Variants in RIPK1 observed in about 807,000 individuals in gnomAD.
The protein encoded by RIPK1 is receptor interacting serine/threonine kinase 1, also known as receptor-interacting serine/threonine-protein kinase 1.
RIPK1 carries 27 observed loss-of-function variants against 62.4 expected under a neutral mutation model. The observed-to-expected ratio is 0.43, with a 90% CI of 0.32 to 0.60. The LOEUF is 0.60. RIPK1 is among the 20% of genes least tolerant of loss of function. The pLI is 0.07. For synonymous variants in RIPK1, 287 were observed against 303.2 expected, an observed-to-expected ratio of 0.95 and a Z score of 0.55; for missense variants, 735 against 831.0, an observed-to-expected ratio of 0.88 and a Z score of 1.42.
In RIPK1 at chr6:3,077,803, G is replaced by A. The variant is rs377207334; in HGVS notation, c.189G>A (p.Glu63=). 1.2e-6 allele frequency: 2 copies of A among 1,614,224 alleles called. No individual in the cohort carries two copies. Among genetic ancestry groups the A allele is most frequent in the East Asian group, 4.5e-5 (2 of 44,880 alleles). Reference sequence around the variant, plus strand: ...GGCACAACGAGGCCCTCTTGGAGGAGGCGAAGATGATGAACAGACTGAGAC... The same window carrying A: ...GGCACAACGAGGCCCTCTTGGAGGAAGCGAAGATGATGAACAGACTGAGAC... ...CIEHNEALLE[E]AKMMNRLRHS... is the part of the protein sequence containing the mutation. The change falls in exon 3 of 11, where the codon GAG becomes GAA. Residue 63 remains glutamate (E), a synonymous_variant. Coordinates refer to ENST00000259808, the MANE Select transcript of RIPK1 (RefSeq NM_001354930.2).
upstream of RIPK1, chr6:3,068,267 C>T (rs1030945960): frequency 3.8e-5 from 37 of 985,590 alleles, no homozygotes; most frequent in African/African-American, 5.1e-4. Context: ...GTAATCCACC[C>T]AGTGCTTCCC....
Position 3,072,472 on chromosome 6 carries a change from A to T in RIPK1, c.-61+3811A>T, listed in dbSNP as rs1197042293. On this transcript the variant is annotated intron_variant, in intron 1 of 10. Transcript: ENST00000259808. The surrounding 1 kb of genome is among the most constrained non-coding windows in gnomAD (Gnocchi z 5.6). Reference sequence around the variant, plus strand: ...GTCAAAAACAATTTTGAATGGCTATATAATATTCTGTTAGGAGTGTGCCGT... The same window carrying T: ...GTCAAAAACAATTTTGAATGGCTATTTAATATTCTGTTAGGAGTGTGCCGT... Among the ~76,000 whole-genome samples, 1 of 152,182 alleles carries T rather than the reference A, an allele frequency of 6.6e-6. No homozygotes were observed. Among genetic ancestry groups the T allele is most frequent in the Non-Finnish European group, 1.5e-5 (1 of 68,032 alleles).
chr6:3,089,796 G>T, intron 7 of RIPK1, 139 bp downstream of exon 7: 6 of 603,724 alleles, frequency 9.9e-6, no homozygotes, highest in Non-Finnish European at 3.0e-6. Flanking sequence ...ATGAGCAATT[G>T]TCTGCACATA....
chr6:3,093,988 G>A (rs1290649859), intron 7 of RIPK1, among the ~76,000 whole-genome samples: 32 of 86,420 alleles, frequency 3.7e-4, no homozygotes, highest in Admixed American at 8.4e-4. Context: ...ACTGCAGAGC[G>A]CCTACCTGCC....
At chr6:3,065,150 G>C (rs949303472), upstream of RIPK1, among the ~76,000 whole-genome samples, 2 of 151,452 alleles carry the variant, frequency 1.3e-5, no homozygotes, top group East Asian at 1.9e-4. Flanking sequence ...CCAGCTACTC[G>C]GGAGGCTGAG....
At position 3,113,195 on chromosome 6, in the gene RIPK1, G is replaced by C. The variant is rs116517470; in HGVS notation, c.1872G>C (p.Leu624=). ...ACCATGACTATGAGCGAGATGGACT[G>C]AAAGAAAAGGTTTACCAGATGCTCC... The part of the protein sequence containing the change: ...EIDHDYERDG[L]KEKVYQMLQK... Residue 624 remains leucine, a synonymous_variant, in exon 11 of 11, where the codon CTG becomes CTC. Coordinates refer to ENST00000259808, the MANE Select transcript of RIPK1 (RefSeq NM_001354930.2). The surrounding 1 kb of genome is among the most constrained non-coding windows in gnomAD (Gnocchi z 5.0). 70 of 1,614,052 alleles carry C rather than the reference G, an allele frequency of 4.3e-5. No homozygotes were observed. In the East Asian group the frequency reaches 1.4e-3, roughly 33 times the overall value.
In RIPK1 at chr6:3,113,636, C is replaced by G; in HGVS notation, c.*297C>G. 3.1e-6 allele frequency: 1 copy of G among 324,612 alleles called. No individual in the cohort carries two copies. Among genetic ancestry groups the G allele is most frequent in the Non-Finnish European group, 5.7e-6 (1 of 173,918 alleles). The allele number at this position is 324,612 out of a possible 1,614,324, so 20.1% of individuals were successfully genotyped here. ...CACTGCGCCCAGCCAACAATCCGCTCTGAGGAAAGCGTAAGCAGGAAGACC... is the reference window on the plus strand; with the variant it reads ...CACTGCGCCCAGCCAACAATCCGCTGTGAGGAAAGCGTAAGCAGGAAGACC... On this transcript the variant is annotated 3_prime_UTR_variant, in exon 11 of 11. Coordinates refer to ENST00000259808, the MANE Select transcript of RIPK1 (RefSeq NM_001354930.2). This position sits in a 1 kb window ranked among gnomAD's most constrained non-coding sequence, Gnocchi z 5.0.
chr6:3,068,304 G>A (rs1758475860), upstream of RIPK1: 1 of 985,514 alleles, frequency 1.0e-6, no homozygotes, highest in Non-Finnish European at 1.2e-6. Flanking sequence ...TCTCGTGCGC[G>A]CGGAGGTTTC....
intron 7 of RIPK1, among the ~76,000 whole-genome samples, chr6:3,103,926 C>T (rs1760703490): frequency 6.6e-6 from 1 of 152,192 alleles, no homozygotes; most frequent in Admixed American, 6.5e-5. Context: ...AGGGTTTATT[C>T]CTAGGCTTTC....
intron 7 of RIPK1, among the ~76,000 whole-genome samples, chr6:3,096,243 A>G (rs2113662805): frequency 6.6e-6 from 1 of 152,364 alleles, no homozygotes; most frequent in East Asian, 1.9e-4. Flanking sequence ...AGAAAAAGAA[A>G]GAAGAGATAT....
At chr6:3,082,986 C>T (rs939183053) in intron 4 of RIPK1, 99 bp from the exon 5 acceptor site, 46 of 1,146,966 alleles carry the variant, frequency 4.0e-5, no homozygotes, top group Middle Eastern at 2.0e-4. Flanking sequence ...GAAAATTTAC[C>T]GTACCTTATG....
At chr6:3,084,760 A>T (rs535544768) in intron 5 of RIPK1, among the ~76,000 whole-genome samples, 1 of 151,714 alleles carries the variant, frequency 6.6e-6, no homozygotes, top group East Asian at 1.9e-4. Context: ...TGCCCAGCTA[A>T]TTTTTATATT....
chr6:3,097,917 A>C (rs1372499962), intron 7 of RIPK1, among the ~76,000 whole-genome samples: 1 of 152,154 alleles, frequency 6.6e-6, no homozygotes, highest in Non-Finnish European at 1.5e-5. Flanking sequence ...GAATGGAGGC[A>C]GGGCATGGTG....
chr6:3,101,726 C>A (rs1760595917), intron 7 of RIPK1, among the ~76,000 whole-genome samples: 1 of 151,972 alleles, frequency 6.6e-6, no homozygotes, highest in South Asian at 2.1e-4. Flanking sequence ...ATATAATTTT[C>A]TATGTTTTCT....
intron 7 of RIPK1, among the ~76,000 whole-genome samples, chr6:3,102,660 G>A (rs1760641340): frequency 6.6e-6 from 1 of 152,154 alleles, no homozygotes; most frequent in South Asian, 2.1e-4. Context: ...GAATGCAGTG[G>A]CACCATCTCG....
At chr6:3,094,725 C>T (rs545815445) in intron 7 of RIPK1, among the ~76,000 whole-genome samples, 7 of 151,800 alleles carry the variant, frequency 4.6e-5, no homozygotes, top group African/African-American at 7.3e-5. Context: ...TAACTAACAG[C>T]GGATCAAAAA....
chr6:3,065,168 A>T (rs2113516006), upstream of RIPK1, among the ~76,000 whole-genome samples: 1 of 147,720 alleles, frequency 6.8e-6, no homozygotes, highest in Non-Finnish European at 1.5e-5. Flanking sequence ...GAGGCAGGAG[A>T]ATGGCGTGAA....
chr6:3,079,517 T>C (rs746274294), intron 3 of RIPK1, among the ~76,000 whole-genome samples: 2 of 152,232 alleles, frequency 1.3e-5, no homozygotes, highest in Non-Finnish European at 2.9e-5. Flanking sequence ...ACAAGTGTTC[T>C]AGGCAGAGAG....
chr6:3,065,012 G>A (rs1758312341), upstream of RIPK1, among the ~76,000 whole-genome samples: 1 of 152,074 alleles, frequency 6.6e-6, no homozygotes, highest in African/African-American at 2.4e-5. Flanking sequence ...GGAGGCCGAG[G>A]CGGGCGGATC....
Sources: gnomAD v4.1 joint callset for allele counts (sites outside exome capture counted in the v4.1 genomes callset) on GRCh38, gnomAD v4.1.1 for gene constraint, Gnocchi (gnomAD v3.1) non-coding constraint, MANE v1.5 for transcripts, NCBI Gene and HGNC (gene_info 2026-07-23, HGNC 2026-07-21) for gene names.